Variants in TSC2 observed in about 807,000 individuals in gnomAD.
TSC2 encodes the protein tuberin.
In TSC2, 29 loss-of-function variants were observed where a neutral mutation model predicts 202.2. The observed-to-expected ratio is 0.14, with a 90% CI of 0.11 to 0.20. The LOEUF (loss-of-function observed/expected upper bound fraction) is 0.20, where lower values mean the gene tolerates loss of function less well. Ranked by LOEUF, TSC2 falls within the 10% of genes least tolerant of loss-of-function variation. The pLI, the probability that TSC2 is intolerant of heterozygous loss-of-function variation, is 1.00. For missense variants in TSC2, 2,429 were observed against 2,420.0 expected, an observed-to-expected ratio of 1.00 and a Z score of -0.08; for synonymous variants, 1,349 against 1,044.0, an observed-to-expected ratio of 1.29 and a Z score of -5.63.
chr16:2,088,003 G>A (rs779792946), intron 39 of TSC2, 45 bp from the exon 40 acceptor site: 27 of 1,610,210 alleles, frequency 1.7e-5, no homozygotes, highest in South Asian at 9.9e-5. Context: ...CCTGCAGTGT[G>A]GCGCCAAGAG....
In TSC2 at chr16:2,082,600, T is replaced by C. The variant is rs930759738; in HGVS notation, c.3883+96T>C. On this transcript the variant is annotated intron_variant, in intron 32 of 41. Coordinates refer to ENST00000219476, the MANE Select transcript of TSC2 (RefSeq NM_000548.5). ...CTCATCCGCCCACCCCCATGGTCCG[T>C]CTGCCTCCATTGCCCTGGGGAGCAG... 133 of 1,380,274 alleles carry C rather than the reference T, an allele frequency of 9.6e-5. 1 individual carries two copies. Among genetic ancestry groups the C allele is most frequent in the Non-Finnish European group, 1.3e-4 (127 of 981,742 alleles). The allele number at this position is 1,380,274 out of a possible 1,614,324, so 85.5% of individuals were successfully genotyped here.
At chr16:2,082,081 G>A in intron 31 of TSC2, 1 of 593,666 alleles carries the variant, frequency 1.7e-6, no homozygotes, top group Non-Finnish European at 3.0e-6. Context: ...GGCTCCAGGA[G>A]GCTCTGCGGC....
chr16:2,084,845 G>A (rs1046412513), intron 34 of TSC2, 106 bp from the exon 35 acceptor site: 1 of 1,600,720 alleles, frequency 6.2e-7, no homozygotes, highest in Non-Finnish European at 8.5e-7. Flanking sequence ...GAACCCCTGG[G>A]AGGGCGGTGG....
At chr16:2,055,636 T>C in intron 6 of TSC2, 117 bp downstream of exon 6, 1 of 998,860 alleles carries the variant, frequency 1.0e-6, no homozygotes. Context: ...CTCACGCCTG[T>C]AATCTCAGCA....
intron 38 of TSC2, 24 bp downstream of exon 38, chr16:2,086,895 G>C (rs978906896): frequency 6.4e-7 from 1 of 1,563,610 alleles, no homozygotes; most frequent in South Asian, 1.2e-5. Flanking sequence ...CGTCAGTGAG[G>C]CTGGGCCCCA....
chr16:2,069,020 C>T (rs2087815788), intron 16 of TSC2, among the ~76,000 whole-genome samples: 1 of 152,178 alleles, frequency 6.6e-6, no homozygotes, highest in Non-Finnish European at 1.5e-5. Flanking sequence ...TGGTCTTGCT[C>T]TCTCGGGTGG....
rs371524563 is a variant in TSC2 at position 2,065,663 on chromosome 16, C to A, written c.1716+28C>A. The A allele has an allele frequency of 1.9e-5, 30 of 1,595,650 alleles. 1 individual carries two copies. The highest frequency in any genetic ancestry group is 1.7e-4 in the Admixed American group (10 of 59,978). ...GGGTGTTCTGCACGAGGCCTCTGCTCCCGGGGCGCGCATGGCTAGCGTCCA... is the reference window on the plus strand; with the variant it reads ...GGGTGTTCTGCACGAGGCCTCTGCTACCGGGGCGCGCATGGCTAGCGTCCA... On this transcript the variant is annotated intron_variant, in intron 16 of 41. Coordinates refer to ENST00000219476, the MANE Select transcript of TSC2 (RefSeq NM_000548.5).
intron 11 of TSC2, 159 bp downstream of exon 11, chr16:2,060,972 A>G (rs2086569438): frequency 1.1e-6 from 1 of 937,904 alleles, no homozygotes; most frequent in Non-Finnish European, 1.6e-6. Context: ...TCCACCTTCC[A>G]CCGGAGACAG....
chr16:2,079,942 A>G lies in TSC2; in HGVS notation c.3398-223A>G, dbSNP rs1329262385. Among the ~76,000 whole-genome samples the G allele has an allele frequency of 1.3e-5, 2 of 152,156 alleles. No individual in the cohort carries two copies. Among genetic ancestry groups the G allele is most frequent in the African/African-American group, 2.4e-5 (1 of 41,426 alleles). On this transcript the variant is annotated intron_variant, in intron 29 of 41. Transcript: ENST00000219476. The surrounding 1 kb of genome is among the most constrained non-coding windows in gnomAD (Gnocchi z 4.6). ...CAGTCCTGGAGCCCTTCTCTGCTCC[A>G]GCGAGCCGTGGTCTGACTGCAGGAC...
At chr16:2,072,155 G>A (rs2088533767) in intron 19 of TSC2, 86 bp from the exon 20 acceptor site, 2 of 1,603,686 alleles carry the variant, frequency 1.2e-6, no homozygotes, top group Non-Finnish European at 1.7e-6. Context: ...ACGCTGTGCA[G>A]CCACAAAGCA....
At chr16:2,052,473 C>T (rs144213086) in intron 3 of TSC2, among the ~76,000 whole-genome samples, 50 of 152,192 alleles carry the variant, frequency 3.3e-4, no homozygotes, top group Middle Eastern at 3.4e-3. Context: ...CCACGCCTGG[C>T]TAAGTTTTGT....
Position 2,079,606 on chromosome 16 carries a change from C to T in TSC2, c.3334C>T (p.Leu1112=), listed in dbSNP as rs531172613. The T allele has an allele frequency of 2.6e-5, 42 of 1,611,472 alleles. 2 individuals carry two copies. Among genetic ancestry groups the T allele is most frequent in the African/African-American group, 1.3e-4 (10 of 75,046 alleles). Residue 1112 remains leucine (L), a synonymous_variant, in exon 29 of 42, where the codon CTG becomes TTG. Transcript: ENST00000219476. This position sits in a 1 kb window ranked among gnomAD's most constrained non-coding sequence, Gnocchi z 4.6. The stretch of plus-strand genomic sequence containing the variant: ...ACAGACCAAGGAGGCGCCGGCCAAG[C>T]TGGAGTCCCAGGCTGGGCAGCAGGT... ...VRQTKEAPAK[L]ESQAGQQVSR...
rs1025129620 is a variant in TSC2, at chr16:2,070,356, C to A, written c.1717-100C>A. 7 of 1,604,722 alleles carry A rather than the reference C, an allele frequency of 4.4e-6. No homozygotes were observed. The Admixed American group carries it at 1.2e-4, about 27-fold the overall frequency. On this transcript the variant is annotated intron_variant, in intron 16 of 41. Coordinates refer to ENST00000219476, the MANE Select transcript of TSC2 (RefSeq NM_000548.5). ...GGTCGTGTGTTTTGAAGCACGCACT[C>A]TAGAGCAGCCGCCCCGGCCCCTGCT...
At chr16:2,082,038 C>T in intron 31 of TSC2, 1 of 640,358 alleles carries the variant, frequency 1.6e-6, no homozygotes, top group Non-Finnish European at 2.8e-6. Context: ...GGAGCCTCTG[C>T]CCAGCATCCT....
rs369694588 is a variant in TSC2 at position 2,052,103 on chromosome 16, G to A, written c.226-1239G>A. 4.6e-5 allele frequency among the ~76,000 whole-genome samples: 7 copies of A among 152,038 alleles called. No homozygotes were observed. In the East Asian group the frequency reaches 1.3e-3, roughly 29 times the overall value. ...GAACAAGCGTCCTGCATCCTGTTCT[G>A]AAAGTTGTTTGTGTGGGTACGGGGC... On this transcript the variant is annotated intron_variant, in intron 3 of 41. Transcript: ENST00000219476.
chr16:2,063,087 G>T (rs2151174508), intron 14 of TSC2, 34 bp downstream of exon 14: 2 of 1,550,396 alleles, frequency 1.3e-6, no homozygotes, highest in Non-Finnish European at 1.7e-6. Flanking sequence ...TGGGGGCTCA[G>T]GGCTATTTCT....
chr16:2,056,601 G>T (rs1279748015), intron 7 of TSC2, 43 bp from the exon 8 acceptor site: 1 of 1,602,154 alleles, frequency 6.2e-7, no homozygotes, highest in South Asian at 1.1e-5. Flanking sequence ...CTGTGGGGAG[G>T]AGCTGGGGTA....
rs1038735192 is a variant in TSC2 at position 2,088,764 on chromosome 16, G to C, written c.*154G>C. On this transcript the variant is annotated 3_prime_UTR_variant, in exon 42 of 42. Coordinates refer to ENST00000219476, the MANE Select transcript of TSC2 (RefSeq NM_000548.5). ...TCTGCTTGGTGCGGGGGTTGGGGGG[G>C]TGTCGAGGCTCTAGAAGCGGCCATG... The C allele has an allele frequency of 5.5e-6, 6 of 1,090,226 alleles. No homozygotes were observed. The highest frequency in any genetic ancestry group is 5.8e-4 in the Middle Eastern group (2 of 3,436). 67.5% of individuals were successfully genotyped at this position (1,090,226 alleles called of 1,614,324 possible). A position where few individuals can be genotyped will look rare whatever the true frequency, so the allele number is the denominator to read the frequency against.
At chr16:2,077,926 A>G (rs2089635140) in intron 26 of TSC2, among the ~76,000 whole-genome samples, 200 bp downstream of exon 26, 1 of 152,118 alleles carries the variant, frequency 6.6e-6, no homozygotes. Context: ...GGTTGCACGC[A>G]TCCCCAGGCC....
Sources: allele counts gnomAD v4.1 joint callset (sites outside exome capture counted in the v4.1 genomes callset), GRCh38; gene constraint gnomAD v4.1.1; non-coding constraint Gnocchi (gnomAD v3.1); transcripts MANE v1.5; gene names NCBI Gene and HGNC (gene_info 2026-07-23, HGNC 2026-07-21).